The following NIM1K variants were observed in gnomAD, a reference collection of about 807,000 sequenced individuals.
NIM1K encodes serine/threonine-protein kinase NIM1.
In NIM1K, 35 loss-of-function variants were observed where a neutral mutation model predicts 37.1. That is an observed-to-expected ratio of 0.94 (90% CI 0.72 to 1.25). NIM1K has a LOEUF of 1.25. NIM1K is among the 50% of genes most tolerant of loss of function. NIM1K has a pLI of 0.00. For missense variants in NIM1K, 564 were observed against 548.0 expected (o/e 1.03, Z -0.29); for synonymous variants, 234 against 206.6 (o/e 1.13, Z -1.14).
chr5:43,221,844 AT>A (rs1752385148), intron 1 of NIM1K, among the ~76,000 whole-genome samples: 1 of 152,272 alleles, frequency 6.6e-6, no homozygotes, highest in Non-Finnish European at 1.5e-5. Flanking sequence ...AACTTAGAAT[AT>A]TTAAGCAGGC....
In NIM1K at chr5:43,208,300, A is replaced by G. The variant is rs181136073; in HGVS notation, c.-695+15889A>G. On this transcript the variant is annotated intron_variant, in intron 1 of 3. Coordinates refer to ENST00000326035, the MANE Select transcript of NIM1K (RefSeq NM_153361.4). The stretch of plus-strand genomic sequence containing the variant: ...CTTCAATTAAATTACAAAAGAGAGA[A>G]AAAAAAAGAAAAAAGCAAGTGTGGT... 1.9e-3 allele frequency among the ~76,000 whole-genome samples: 285 copies of G among 152,132 alleles called. 2 individuals carry two copies. The highest frequency in any genetic ancestry group is 6.5e-3 in the African/African-American group (272 of 41,536).
chr5:43,234,638 T>G (rs1355995248), intron 1 of NIM1K, among the ~76,000 whole-genome samples: 3 of 152,098 alleles, frequency 2.0e-5, no homozygotes, highest in African/African-American at 7.2e-5. Flanking sequence ...AGTATTTTAT[T>G]TATTTTGTAT....
intron 1 of NIM1K, chr5:43,206,588 A>G (rs981662536): frequency 1.6e-5 from 9 of 574,608 alleles, no homozygotes; most frequent in Non-Finnish European, 2.2e-5. Flanking sequence ...GCTGAATAAG[A>G]AACGAGCAAG....
chr5:43,218,288 G>A lies in NIM1K; in HGVS notation c.-695+25877G>A, dbSNP rs782992. 2.2e-3 allele frequency among the ~76,000 whole-genome samples: 338 copies of A among 152,278 alleles called. 3 individuals are homozygous for A. The highest frequency in any genetic ancestry group is 7.8e-3 in the African/African-American group (324 of 41,530). On this transcript the variant is annotated intron_variant, in intron 1 of 3. Transcript: ENST00000326035. ...GGCCTCCCAAAGTGCTGGGATTACA[G>A]GCGTGAGCCACCGTGCCCGGCCTCC...
intron 1 of NIM1K, among the ~76,000 whole-genome samples, chr5:43,227,808 G>A (rs1752481171): frequency 6.6e-6 from 1 of 152,070 alleles, no homozygotes; most frequent in South Asian, 2.1e-4. Flanking sequence ...TGGACTTAAG[G>A]GTTTTTTTCA....
chr5:43,198,660 A>T (rs548015522), intron 1 of NIM1K, among the ~76,000 whole-genome samples: 3 of 152,262 alleles, frequency 2.0e-5, no homozygotes, highest in African/African-American at 4.8e-5. Flanking sequence ...TTTAGAGGGG[A>T]TTGCCTGTGG....
chr5:43,232,984 C>G, intron 1 of NIM1K: 1 of 1,152,764 alleles, frequency 8.7e-7, no homozygotes, highest in Non-Finnish European at 1.3e-6. Flanking sequence ...AAACACTGCC[C>G]TGGGCACATG....
intron 1 of NIM1K, among the ~76,000 whole-genome samples, chr5:43,243,958 C>A (rs73094518): frequency 0.016 from 2,399 of 152,318 alleles, 60 homozygotes; most frequent in African/African-American, 0.054. Flanking sequence ...TGCTTAGTTA[C>A]TGATACCTGG....
At chr5:43,252,289 GCCT>G (rs1188333685) in intron 2 of NIM1K, among the ~76,000 whole-genome samples, 1 of 151,940 alleles carries the variant, frequency 6.6e-6, no homozygotes, top group African/African-American at 2.4e-5. Flanking sequence ...GCCTTGTGTG[GCCT>G]CACTGACATG....
At chr5:43,204,677 C>G (rs1020450086) in intron 1 of NIM1K, among the ~76,000 whole-genome samples, 1 of 148,450 alleles carries the variant, frequency 6.7e-6, no homozygotes, top group Non-Finnish European at 1.5e-5. Flanking sequence ...TGCAGTCCAG[C>G]CTGGGCAACA....
chr5:43,204,704 C>CA (rs59833557), intron 1 of NIM1K, among the ~76,000 whole-genome samples: 64,048 of 125,662 alleles, frequency 0.51, 15,207 homozygotes, highest in African/African-American at 0.55. Flanking sequence ...GGCTCTGTCT[C>CA]AAAAAAAAAA....
At chr5:43,194,222 T>A (rs1579948638) in intron 1 of NIM1K, among the ~76,000 whole-genome samples, 2 of 152,268 alleles carry the variant, frequency 1.3e-5, no homozygotes, top group East Asian at 3.9e-4. Context: ...GGAAGCCTAA[T>A]TAGCTTTCTA....
At chr5:43,246,366 G>T (rs1158525729) in intron 2 of NIM1K, among the ~76,000 whole-genome samples, 2 of 152,120 alleles carry the variant, frequency 1.3e-5, no homozygotes, top group African/African-American at 2.4e-5. Context: ...ATACCATGCA[G>T]ATAAACCCAC....
chr5:43,223,093 C>T (rs1166707629), intron 1 of NIM1K, among the ~76,000 whole-genome samples: 2 of 140,776 alleles, frequency 1.4e-5, no homozygotes, highest in South Asian at 2.2e-4. Context: ...GAACCGAGAT[C>T]GTGCCACTGC....
chr5:43,260,628 T>TA (rs1753013326), intron 2 of NIM1K, among the ~76,000 whole-genome samples: 1 of 152,216 alleles, frequency 6.6e-6, no homozygotes, highest in Non-Finnish European at 1.5e-5. Flanking sequence ...TTTATTATTA[T>TA]ACTTTAAGTT....
chr5:43,245,857 G>T lies in NIM1K; in HGVS notation c.82G>T (p.Gly28Cys), dbSNP rs1432180446. The T allele has an allele frequency of 6.2e-7, 1 of 1,614,106 alleles. No individual in the cohort carries two copies. Reference sequence around the variant, plus strand: ...GGATCGGCGCGACAGTGTAGAAAGTGGCTGTCAGACCGAGAGTAGCAAGGA... The same window carrying T: ...GGATCGGCGCGACAGTGTAGAAAGTTGCTGTCAGACCGAGAGTAGCAAGGA... ...RWDRRDSVES[G>C]CQTESSKEGE... The change falls in exon 2 of 4, where the codon GGC becomes TGC. Residue 28 changes from glycine to cysteine, a missense_variant. Gly to Cys is a radical substitution (Grantham distance 159). Transcript: ENST00000326035.
chr5:43,277,338 G>T lies in NIM1K; in HGVS notation c.561+13G>T. On this transcript the variant is annotated intron_variant, in intron 3 of 3. Transcript: ENST00000326035. ...CGTGAAGCACATGGTGAGCAGGGGT[G>T]ACGAGTGAGAACCTTGCTCCCATTG... 6.2e-7 allele frequency: 1 copy of T among 1,610,234 alleles called. No individual in the cohort carries two copies. The highest frequency in any genetic ancestry group is 1.1e-5 in the South Asian group (1 of 90,272).
intron 1 of NIM1K, chr5:43,233,025 G>C (rs1394782258): frequency 8.1e-7 from 1 of 1,241,164 alleles, no homozygotes; most frequent in Admixed American, 1.7e-5. Flanking sequence ...TGAAGAAGCT[G>C]TTGAAGGAGT....
chr5:43,269,709 C>T (rs1220833912), intron 2 of NIM1K, among the ~76,000 whole-genome samples: 1 of 152,068 alleles, frequency 6.6e-6, no homozygotes, highest in Non-Finnish European at 1.5e-5. Context: ...AGCTCCGCCT[C>T]CTGGGTTCAT....
Sources: gnomAD v4.1 joint callset for allele counts (sites outside exome capture counted in the v4.1 genomes callset) on GRCh38, gnomAD v4.1.1 for gene constraint, MANE v1.5 for transcripts, NCBI Gene and HGNC (gene_info 2026-07-23, HGNC 2026-07-21) for gene names.